The following ZNF461 variants were observed in gnomAD, a reference collection of about 807,000 sequenced individuals.
ZNF461 encodes the protein gonadotropin-inducible ovarian transcription factor-1.
Under a neutral mutation model 18.3 loss-of-function variants are expected in ZNF461, and 16 were observed. The ratio of observed to expected loss-of-function variants is 0.88; its 90% CI spans 0.59 to 1.33. The LOEUF is 1.33. Among genes scored for constraint, ZNF461 ranks in the 40% most tolerant of loss-of-function variants. ZNF461 has a pLI of 0.00. For missense variants in ZNF461, 595 were observed against 669.9 expected (o/e 0.89, Z 1.23); for synonymous variants, 179 against 216.9 (o/e 0.83, Z 1.54).
At chr19:36,659,665 T>C (rs1045671780) in intron 2 of ZNF461, among the ~76,000 whole-genome samples, 1 of 152,088 alleles carries the variant, frequency 6.6e-6, no homozygotes, top group African/African-American at 2.4e-5. Context: ...AAGGTACATA[T>C]TCCATTGTTT....
intron 5 of ZNF461, among the ~76,000 whole-genome samples, chr19:36,641,546 A>G (rs2037423543): frequency 7.0e-6 from 1 of 142,514 alleles, no homozygotes; most frequent in South Asian, 2.2e-4. Context: ...CAAAATATAT[A>G]TATATATAAT....
At chr19:36,654,323 G>A (rs2037679457) in intron 4 of ZNF461, among the ~76,000 whole-genome samples, 1 of 152,100 alleles carries the variant, frequency 6.6e-6, no homozygotes, top group Non-Finnish European at 1.5e-5. Context: ...CAAACTGGGT[G>A]GCTTAAAACA....
rs2037340514 is a variant in ZNF461 at position 36,638,517 on chromosome 19, T to G, written c.*136A>C. On this transcript the variant is annotated 3_prime_UTR_variant, in exon 6 of 6. Transcript: ENST00000588268. ...TTAAAATGAGACCAAAATTTACACT[T>G]TAGTTATCCACTTTCTCACTTAAAA... The G allele has an allele frequency of 3.0e-6, 2 of 674,132 alleles. No homozygotes were observed. The allele number at this position is 674,132 out of a possible 1,614,324, so 41.8% of individuals were successfully genotyped here.
At chr19:36,659,911 C>G (rs998986837) in intron 2 of ZNF461, among the ~76,000 whole-genome samples, 2 of 152,178 alleles carry the variant, frequency 1.3e-5, no homozygotes, top group Admixed American at 6.5e-5. Flanking sequence ...AATTCTAAAG[C>G]CTCACACAGC....
rs552725310 is a variant in ZNF461, at chr19:36,662,761, C to T, written c.9+1937G>A. Among the ~76,000 whole-genome samples the T allele has an allele frequency of 2.0e-5, 3 of 152,180 alleles. No homozygotes were observed. The South Asian group carries it at 6.2e-4, about 32-fold the overall frequency. On this transcript the variant is annotated intron_variant, in intron 2 of 5. Coordinates refer to ENST00000588268, the MANE Select transcript of ZNF461 (RefSeq NM_153257.5). ...GTTGTATTTCACTATATTCAGGCAACATTATCATTTCTAATTACTGGATAT... is the reference window on the plus strand; with the variant it reads ...GTTGTATTTCACTATATTCAGGCAATATTATCATTTCTAATTACTGGATAT...
At position 36,639,427 on chromosome 19, in the gene ZNF461, AC is replaced by A; in HGVS notation, c.917del (p.Cys306LeufsTer123). ...TGEKPYECKE[C>X]GKAFRQRSQL... ...GTGATCGCTGTCTAAAGGCCTTCCC[AC>A]ATTCTTTACATTCATAAGGTTTCTC... is the stretch of plus-strand genomic sequence containing the variant. On this transcript the variant is annotated frameshift_variant, in exon 6 of 6. Transcript: ENST00000588268. LOFTEE classifies it low-confidence loss of function (END_TRUNC). 1 of 1,613,994 alleles carries A rather than the reference AC, an allele frequency of 6.2e-7. No homozygotes were observed. Among genetic ancestry groups the A allele is most frequent in the Non-Finnish European group, 8.5e-7 (1 of 1,179,980 alleles).
At chr19:36,659,027 G>A (rs1443012237) in intron 2 of ZNF461, among the ~76,000 whole-genome samples, 1 of 152,178 alleles carries the variant, frequency 6.6e-6, no homozygotes, top group South Asian at 2.1e-4. Flanking sequence ...TACGGCAGAA[G>A]TGATTATGTG....
intron 4 of ZNF461, among the ~76,000 whole-genome samples, chr19:36,646,735 C>G (rs926138914): frequency 3.3e-5 from 5 of 152,096 alleles, no homozygotes; most frequent in African/African-American, 1.2e-4. Flanking sequence ...ATCCACGTGT[C>G]TTCTTTTAAT....
chr19:36,650,004 G>A lies in ZNF461; in HGVS notation c.233-6142C>T, dbSNP rs576826580. 3.9e-5 allele frequency among the ~76,000 whole-genome samples: 6 copies of A among 152,008 alleles called. No individual in the cohort carries two copies. The South Asian group carries it at 1.3e-3, about 32-fold the overall frequency. ...AGCCTGACCAACATGGTGAAACCCCGTCCCTACTAAAAATACAAAAATTAG... is the reference window on the plus strand; with the variant it reads ...AGCCTGACCAACATGGTGAAACCCCATCCCTACTAAAAATACAAAAATTAG... On this transcript the variant is annotated intron_variant, in intron 4 of 5. Transcript: ENST00000588268.
intron 4 of ZNF461, among the ~76,000 whole-genome samples, chr19:36,655,018 T>C (rs1404623206): frequency 6.6e-6 from 1 of 152,148 alleles, no homozygotes; most frequent in African/African-American, 2.4e-5. Flanking sequence ...AGACAGCATC[T>C]TGCAGTGTCA....
Position 36,656,261 on chromosome 19 carries a change from A to C in ZNF461, c.232+187T>G, listed in dbSNP as rs551609163. Among the ~76,000 whole-genome samples, 15 of 152,326 alleles carry C rather than the reference A, an allele frequency of 9.8e-5. No individual in the cohort carries two copies. The East Asian group carries it at 2.5e-3, about 25-fold the overall frequency. Reference sequence around the variant, plus strand: ...CGGCCTCCCAAAGTGCTGGGATTACAGGCGTGAGCCACCGCGCCCGGCCTA... The same window carrying C: ...CGGCCTCCCAAAGTGCTGGGATTACCGGCGTGAGCCACCGCGCCCGGCCTA... On this transcript the variant is annotated intron_variant, in intron 4 of 5. Coordinates refer to ENST00000588268, the MANE Select transcript of ZNF461 (RefSeq NM_153257.5).
intron 3 of ZNF461, among the ~76,000 whole-genome samples, chr19:36,657,251 C>T (rs1380666167): frequency 4.0e-5 from 6 of 151,524 alleles, no homozygotes; most frequent in South Asian, 2.1e-4. Flanking sequence ...GAGGCCAAGA[C>T]GGGTGGATCA....
chr19:36,656,211 T>G (rs1238234479), intron 4 of ZNF461, among the ~76,000 whole-genome samples: 1 of 152,054 alleles, frequency 6.6e-6, no homozygotes, highest in African/African-American at 2.4e-5. Context: ...GGTCTCGATC[T>G]CCTGACCTCG....
Position 36,638,679 on chromosome 19 carries a change from G to A in ZNF461, c.1666C>T (p.Pro556Ser). ...CATGATGCTAGACTAGGATGGGGAG[G>A]GAGGAGAGGAAACCTGACTGGCTTC... ...GEKPVRFPLLPPHPSLAS is the reference protein window; with the variant it reads ...GEKPVRFPLLSPHPSLAS The change falls in exon 6 of 6, where the codon CCT becomes TCT. Residue 556 changes from proline (P) to serine (S), a missense_variant. Physicochemically the swap from Pro to Ser is moderately conservative, Grantham distance 74. Coordinates refer to ENST00000588268, the MANE Select transcript of ZNF461 (RefSeq NM_153257.5). The A allele has an allele frequency of 6.2e-7, 1 of 1,600,008 alleles. No individual in the cohort carries two copies. Among genetic ancestry groups the A allele is most frequent in the South Asian group, 1.1e-5 (1 of 88,654 alleles).
intron 4 of ZNF461, among the ~76,000 whole-genome samples, chr19:36,647,005 TTGAGAC>T (rs1169174300): frequency 6.6e-6 from 1 of 152,174 alleles, no homozygotes; most frequent in Non-Finnish European, 1.5e-5. Context: ...AATAAAAAGT[TTGAGAC>T]TGATAACTAT....
chr19:36,639,513 A>G lies in ZNF461; in HGVS notation c.832T>C (p.Cys278Arg), dbSNP rs2037378998. The G allele has an allele frequency of 1.9e-6, 3 of 1,613,692 alleles. No homozygotes were observed. Among genetic ancestry groups the G allele is most frequent in the Non-Finnish European group, 1.7e-6 (2 of 1,179,658 alleles). The part of the protein sequence containing the change: ...NGEKRYECNE[C>R]GKAFNYGSEL... ...GAGCCATAATTAAAGGCCTTCCCACATTCGTTACATTCATAGCGTTTTTCA... is the reference window on the plus strand; with the variant it reads ...GAGCCATAATTAAAGGCCTTCCCACGTTCGTTACATTCATAGCGTTTTTCA... Residue 278 changes from cysteine (C) to arginine (R), a missense_variant, in exon 6 of 6, where the codon TGT becomes CGT. By Grantham distance (180) the Cys-to-Arg change is radical. Coordinates refer to ENST00000588268, the MANE Select transcript of ZNF461 (RefSeq NM_153257.5).
rs73929134 is a variant in ZNF461 at position 36,654,814 on chromosome 19, A to G, written c.232+1634T>C. On this transcript the variant is annotated intron_variant, in intron 4 of 5. Coordinates refer to ENST00000588268, the MANE Select transcript of ZNF461 (RefSeq NM_153257.5). ...CCTCTGCCATCTCTACCTCCTCAAT[A>G]TAGTCATATATTACTTTCTCTAACT... is the stretch of plus-strand genomic sequence containing the variant. Among the ~76,000 whole-genome samples, 1,519 of 152,202 alleles carry G rather than the reference A, an allele frequency of 1.0e-2. 30 individuals are homozygous for G. Among genetic ancestry groups the G allele is most frequent in the African/African-American group, 0.034 (1,423 of 41,516 alleles).
intron 2 of ZNF461, among the ~76,000 whole-genome samples, chr19:36,661,896 G>A (rs996096349): frequency 2.0e-5 from 3 of 151,734 alleles, no homozygotes; most frequent in Admixed American, 6.6e-5. Flanking sequence ...TTTTTGAGGC[G>A]GAGTTTCGCT....
At chr19:36,654,943 C>T (rs921658725) in intron 4 of ZNF461, among the ~76,000 whole-genome samples, 3 of 152,164 alleles carry the variant, frequency 2.0e-5, no homozygotes, top group African/African-American at 7.2e-5. Flanking sequence ...CTCTATAACA[C>T]TTTAAAAATG....
Sources: allele counts gnomAD v4.1 joint callset (sites outside exome capture counted in the v4.1 genomes callset), GRCh38; gene constraint gnomAD v4.1.1; transcripts MANE v1.5; gene names NCBI Gene and HGNC (gene_info 2026-07-23, HGNC 2026-07-21).